The following SGCZ variants were observed in gnomAD, a reference collection of about 807,000 sequenced individuals.
SGCZ encodes sarcoglycan zeta.
A neutral mutation model predicts 41.3 loss-of-function variants in SGCZ; 40 were observed. That is an observed-to-expected ratio of 0.97 (90% CI 0.75 to 1.26). The LOEUF (loss-of-function observed/expected upper bound fraction) is 1.26. Among genes scored for constraint, SGCZ ranks in the 50% most tolerant of loss-of-function variants. The pLI, the probability that SGCZ is intolerant of heterozygous loss-of-function variation, is 0.00. For synonymous variants in SGCZ, 206 were observed against 137.5 expected (o/e 1.50, Z -3.49); for missense variants, 552 against 369.8 (o/e 1.49, Z -4.04).
chr8:14,890,018 A>G (rs1585352703), intron 1 of SGCZ, among the ~76,000 whole-genome samples: 1 of 152,072 alleles, frequency 6.6e-6, no homozygotes, highest in South Asian at 2.1e-4. Context: ...GGAGTTTGAG[A>G]CCAGCCTGGC....
At chr8:14,815,622 A>T (rs982003685) in intron 1 of SGCZ, among the ~76,000 whole-genome samples, 2 of 152,200 alleles carry the variant, frequency 1.3e-5, no homozygotes, top group South Asian at 2.1e-4. Flanking sequence ...TATGTATAGA[A>T]ATATGCAGTA....
intron 1 of SGCZ, among the ~76,000 whole-genome samples, chr8:15,111,271 G>C (rs980014728): frequency 6.6e-6 from 1 of 152,066 alleles, no homozygotes; most frequent in African/African-American, 2.4e-5. Context: ...CCATTTCCAC[G>C]GCTGGGTAAC....
In SGCZ at chr8:15,212,119, C is replaced by T. The variant is rs373364141; in HGVS notation, c.39+25466G>A. Among the ~76,000 whole-genome samples, 454 of 152,180 alleles carry T rather than the reference C, an allele frequency of 3.0e-3. 1 individual carries two copies. Among genetic ancestry groups the T allele is most frequent in the Middle Eastern group, 0.017 (5 of 294 alleles). On this transcript the variant is annotated intron_variant, in intron 1 of 7. Transcript: ENST00000382080. ...ACACTGACTATGGGATCTCAAGAAACGACTGCATGGATGCCTAAATAACAA... is the reference window on the plus strand; with the variant it reads ...ACACTGACTATGGGATCTCAAGAAATGACTGCATGGATGCCTAAATAACAA...
intron 1 of SGCZ, among the ~76,000 whole-genome samples, chr8:14,703,085 G>A (rs1277491974): frequency 6.6e-6 from 1 of 151,856 alleles, no homozygotes; most frequent in African/African-American, 2.4e-5. Context: ...GTTTCCAATA[G>A]TACATTGTAA....
chr8:14,929,941 T>C lies in SGCZ; in HGVS notation c.39+307644A>G, dbSNP rs370131082. On this transcript the variant is annotated intron_variant, in intron 1 of 7. Transcript: ENST00000382080. ...ATTATTGAGTTTTTACATAACAGCA[T>C]TTTCACTATTTAAAACTTGGATGTT... is the stretch of plus-strand genomic sequence containing the variant. 2.0e-5 allele frequency among the ~76,000 whole-genome samples: 3 copies of C among 152,050 alleles called. No individual in the cohort carries two copies. The South Asian group carries it at 6.2e-4, about 32-fold the overall frequency.
chr8:14,497,670 A>G (rs986985938), intron 2 of SGCZ, among the ~76,000 whole-genome samples: 4 of 151,970 alleles, frequency 2.6e-5, no homozygotes, highest in Admixed American at 1.3e-4. Context: ...TCTTCTTCCA[A>G]TGTGGCCCAG....
intron 1 of SGCZ, among the ~76,000 whole-genome samples, chr8:14,929,904 G>T (rs1358970553): frequency 6.6e-6 from 1 of 151,896 alleles, no homozygotes; most frequent in Non-Finnish European, 1.5e-5. Flanking sequence ...AACAATTATG[G>T]CCAGGAATCA....
rs1803673267 is a variant in SGCZ, at chr8:15,031,802, G to T, written c.39+205783C>A. Among the ~76,000 whole-genome samples the T allele has an allele frequency of 2.0e-5, 3 of 151,938 alleles. No individual in the cohort carries two copies. In the South Asian group the frequency reaches 6.2e-4, roughly 31 times the overall value. On this transcript the variant is annotated intron_variant, in intron 1 of 7. Coordinates refer to ENST00000382080, the MANE Select transcript of SGCZ (RefSeq NM_139167.4). ...ATAAACAGTGAACAGGATACATGAGGACATAGCAGCTTCTCTTTAGCATCT... is the reference window on the plus strand; with the variant it reads ...ATAAACAGTGAACAGGATACATGAGTACATAGCAGCTTCTCTTTAGCATCT...
At chr8:14,122,054 A>G (rs1022538554) in intron 5 of SGCZ, among the ~76,000 whole-genome samples, 9 of 152,272 alleles carry the variant, frequency 5.9e-5, no homozygotes, top group Admixed American at 1.3e-4. Flanking sequence ...CGAGGCGGGC[A>G]GATCCCAAGG....
rs532220970 is a variant in SGCZ at position 14,282,085 on chromosome 8, T to C, written c.336+42018A>G. 1.8e-4 allele frequency among the ~76,000 whole-genome samples: 27 copies of C among 152,086 alleles called. No homozygotes were observed. The South Asian group carries it at 5.0e-3, about 28-fold the overall frequency. ...CTTAGTCTTTCTATATTCTTCATAC[T>C]ATCAAAACAAGGAATTTAATAAAAG... On this transcript the variant is annotated intron_variant, in intron 3 of 7. Coordinates refer to ENST00000382080, the MANE Select transcript of SGCZ (RefSeq NM_139167.4).
At chr8:14,282,874 G>A (rs1389195040) in intron 3 of SGCZ, among the ~76,000 whole-genome samples, 3 of 59,770 alleles carry the variant, frequency 5.0e-5, no homozygotes, top group Admixed American at 2.5e-4. Flanking sequence ...TTTTGAGACG[G>A]AGTCTCACTC....
chr8:15,002,453 G>C (rs1802460781), intron 1 of SGCZ, among the ~76,000 whole-genome samples: 1 of 152,094 alleles, frequency 6.6e-6, no homozygotes, highest in Non-Finnish European at 1.5e-5. Context: ...AAGGAGAAGA[G>C]CTGTCAGACA....
At chr8:14,100,655 G>C (rs917948101) in intron 7 of SGCZ, among the ~76,000 whole-genome samples, 1 of 148,930 alleles carries the variant, frequency 6.7e-6, no homozygotes, top group African/African-American at 2.5e-5. Flanking sequence ...TAGATTGCTA[G>C]ATCACTTATG....
chr8:14,253,931 C>G (rs1371468365), intron 3 of SGCZ, among the ~76,000 whole-genome samples: 1 of 82,272 alleles, frequency 1.2e-5, no homozygotes, highest in Non-Finnish European at 2.4e-5. Context: ...GTTTTTCTCA[C>G]TTGTTCTGCT....
chr8:14,411,329 C>T (rs530434438), intron 2 of SGCZ, among the ~76,000 whole-genome samples: 1 of 152,114 alleles, frequency 6.6e-6, no homozygotes, highest in South Asian at 2.1e-4. Flanking sequence ...CGTATAGAAA[C>T]CATTGTTTTT....
At chr8:14,211,287 G>C (rs1418611556) in intron 4 of SGCZ, among the ~76,000 whole-genome samples, 1 of 151,948 alleles carries the variant, frequency 6.6e-6, no homozygotes, top group Non-Finnish European at 1.5e-5. Context: ...ACTGCAGATG[G>C]GTGTCTCCTC....
chr8:14,380,176 T>C (rs984086283), intron 2 of SGCZ, among the ~76,000 whole-genome samples: 3 of 152,242 alleles, frequency 2.0e-5, no homozygotes, highest in Non-Finnish European at 4.4e-5. Context: ...AAGCTTTATA[T>C]AGTACTTTAA....
In SGCZ at chr8:14,396,062, C is replaced by T. The variant is rs1798910339; in HGVS notation, c.235-71858G>A. Among the ~76,000 whole-genome samples, 3 of 152,038 alleles carry T rather than the reference C, an allele frequency of 2.0e-5. No homozygotes were observed. The South Asian group carries it at 6.2e-4, about 32-fold the overall frequency. ...AAAGAAATCATTTTTAAATGTAAGA[C>T]CAAGGTATGGGTACCATTTGCTCCC... On this transcript the variant is annotated intron_variant, in intron 2 of 7. Coordinates refer to ENST00000382080, the MANE Select transcript of SGCZ (RefSeq NM_139167.4).
intron 1 of SGCZ, among the ~76,000 whole-genome samples, chr8:15,130,689 A>G (rs1031689713): frequency 6.6e-6 from 1 of 152,204 alleles, no homozygotes; most frequent in African/African-American, 2.4e-5. Context: ...AATTCTGATG[A>G]AAGTATTTTC....
Sources: gnomAD v4.1 joint callset for allele counts (sites outside exome capture counted in the v4.1 genomes callset) on GRCh38, gnomAD v4.1.1 for gene constraint, MANE v1.5 for transcripts, NCBI Gene and HGNC (gene_info 2026-07-23, HGNC 2026-07-21) for gene names.